PFKFB1: variants seen among roughly 807,000 people sequenced by gnomAD.
PFKFB1 encodes the protein 6-phosphofructo-2-kinase/fructose-2,6-bisphosphatase 1.
A neutral mutation model predicts 46.4 loss-of-function variants in PFKFB1; 34 were observed. The ratio of observed to expected loss-of-function variants is 0.73; its 90% confidence interval spans 0.56 to 0.98. PFKFB1 has a LOEUF of 0.98. Among genes scored for constraint, PFKFB1 ranks in the 50% least tolerant of loss-of-function variants. PFKFB1 has a pLI of 0.00. For synonymous variants in PFKFB1, 119 were observed against 133.8 expected, an observed-to-expected ratio of 0.89 and a Z score of 0.76; for missense variants, 393 against 376.3, an observed-to-expected ratio of 1.04 and a Z score of -0.37.
chrX:54,975,696 T>TA (rs1934822759), intron 1 of PFKFB1, among the ~76,000 whole-genome samples: 1 of 111,498 alleles, frequency 9.0e-6, no homozygotes, highest in African/African-American at 3.3e-5. Context: ...AGACTTATTA[T>TA]AAAGCCACAA....
At chrX:54,960,574 T>G (rs996813517) in intron 3 of PFKFB1, among the ~76,000 whole-genome samples, 6 of 111,651 alleles carry the variant, frequency 5.4e-5, no homozygotes, top group African/African-American at 2.0e-4. Context: ...AGAAACAGGA[T>G]TTGGGCAGGA....
chrX:54,958,266 T>A (rs1766073070), intron 6 of PFKFB1, 40 bp downstream of exon 6: 1 of 950,091 alleles, frequency 1.1e-6, no homozygotes, highest in South Asian at 2.0e-5. Context: ...GATCTAAGCC[T>A]AAGGCAGAGC....
intron 1 of PFKFB1, among the ~76,000 whole-genome samples, chrX:54,970,157 C>G (rs1282231408): frequency 9.0e-6 from 1 of 110,924 alleles, no homozygotes; most frequent in Non-Finnish European, 1.9e-5. Flanking sequence ...GATCTGCCCA[C>G]CTCAGTCTCC....
chrX:54,960,875 T>C lies in PFKFB1; in HGVS notation c.266A>G (p.Lys89Arg). The C allele has an allele frequency of 3.3e-6, 4 of 1,195,140 alleles. No homozygotes were observed. Among genetic ancestry groups the C allele is most frequent in the Non-Finnish European group, 4.5e-6 (4 of 882,835 alleles). ...GQYRREAVSY[K>R]NYEFFLPDNM... The stretch of plus-strand genomic sequence containing the variant: ...GTCTGGAAGAAAGAATTCATAGTTC[T>C]TGTAGCTCACTGCCTCTCGTCGATA... Residue 89 changes from lysine (K) to arginine (R), a missense_variant, in exon 3 of 14, where the codon AAG becomes AGG. Lys to Arg is a conservative substitution (Grantham distance 26). Transcript: ENST00000375006.
At chrX:54,973,094 T>A (rs1454729621) in intron 1 of PFKFB1, among the ~76,000 whole-genome samples, 1 of 111,943 alleles carries the variant, frequency 8.9e-6, no homozygotes, top group East Asian at 2.8e-4. Flanking sequence ...GAGGAATGTA[T>A]CCATTTCTTC....
intron 1 of PFKFB1, among the ~76,000 whole-genome samples, chrX:54,983,537 A>G (rs893250528): frequency 2.7e-5 from 3 of 112,266 alleles, no homozygotes; most frequent in Non-Finnish European, 5.7e-5. Context: ...CACGGCATAC[A>G]CATACTACAT....
In PFKFB1 at chrX:54,959,855, T is replaced by A. The variant is rs1276333617; in HGVS notation, c.356A>T (p.Tyr119Phe). 2.5e-6 allele frequency: 3 copies of A among 1,206,907 alleles called. No individual in the cohort carries two copies. The highest frequency in any genetic ancestry group is 3.4e-6 in the Non-Finnish European group (3 of 892,495). The change falls in exon 4 of 14, where the codon TAT (tyrosine) becomes TTT (phenylalanine). Residue 119 changes from tyrosine to phenylalanine, a missense_variant. Physicochemically the swap from Tyr to Phe is conservative, Grantham distance 22 (BLOSUM62 3). Transcript: ENST00000375006. Reference sequence around the variant, plus strand: ...AACATGACCTTCCTCATGGCTGAGATAGTTGTGAACATCCTTCAGGGCTGC... The same window carrying A: ...AACATGACCTTCCTCATGGCTGAGAAAGTTGTGAACATCCTTCAGGGCTGC... ...ALAALKDVHN[Y>F]LSHEEGHVAV...
chrX:54,938,453 T>C (rs964532629), intron 10 of PFKFB1, among the ~76,000 whole-genome samples: 1 of 111,144 alleles, frequency 9.0e-6, no homozygotes, highest in Admixed American at 9.6e-5. Context: ...GACTGGCAAA[T>C]TGGATAAAGA....
intron 1 of PFKFB1, among the ~76,000 whole-genome samples, chrX:54,975,955 G>A (rs757181516): frequency 8.1e-5 from 9 of 111,326 alleles, no homozygotes; most frequent in Non-Finnish European, 1.7e-4. Flanking sequence ...GTGGATCATA[G>A]GTCTAAATAT....
chrX:54,997,418 A>C (rs1410930715), upstream of PFKFB1, among the ~76,000 whole-genome samples: 1 of 111,848 alleles, frequency 8.9e-6, no homozygotes, highest in African/African-American at 3.2e-5. Context: ...AAATGGGGCT[A>C]TCTCTAGGGA....
At position 54,979,374 on chromosome X, in the gene PFKFB1, T is replaced by C. The variant is rs147354935; in HGVS notation, c.97+14537A>G. 3.5e-3 allele frequency among the ~76,000 whole-genome samples: 391 copies of C among 111,333 alleles called. 1 individual carries two copies. The highest frequency in any genetic ancestry group is 0.012 in the African/African-American group (369 of 30,711). ...TTTCCTCAAGCTCTTCTGTAAACTT[T>C]CAGGTAATTTTAAGTAGTACGGTAT... On this transcript the variant is annotated intron_variant, in intron 1 of 13. Transcript: ENST00000375006.
chrX:54,986,861 A>G (rs2054000498), intron 1 of PFKFB1, among the ~76,000 whole-genome samples: 1 of 111,593 alleles, frequency 9.0e-6, no homozygotes, highest in Non-Finnish European at 1.9e-5. Flanking sequence ...AGTAAAATAA[A>G]AAATTAATAA....
chrX:54,948,271 G>A (rs973287146), intron 9 of PFKFB1, among the ~76,000 whole-genome samples: 2 of 111,305 alleles, frequency 1.8e-5, no homozygotes, highest in African/African-American at 6.5e-5. Context: ...TTCCATCTCC[G>A]ATGCCACTAC....
At chrX:54,972,550 G>C (rs1268194245) in intron 1 of PFKFB1, among the ~76,000 whole-genome samples, 2 of 111,476 alleles carry the variant, frequency 1.8e-5, no homozygotes, top group African/African-American at 6.5e-5. Context: ...AGCATGAAGG[G>C]CTGTTGAATT....
chrX:54,945,721 C>CGT (rs779266579), intron 9 of PFKFB1, among the ~76,000 whole-genome samples, 178 bp from the exon 10 acceptor site: 2,762 of 88,684 alleles, frequency 0.031, 69 homozygotes, highest in African/African-American at 0.087. Context: ...TGTGTGTGTG[C>CGT]GTGTGTGTGT....
chrX:54,971,716 T>C (rs1288298432), intron 1 of PFKFB1, among the ~76,000 whole-genome samples: 1,533 of 112,241 alleles, frequency 0.014, 19 homozygotes, highest in African/African-American at 0.047. Flanking sequence ...TTGGTACCAG[T>C]ACCATGCTGT....
chrX:54,992,463 G>T (rs1001772439), intron 1 of PFKFB1, among the ~76,000 whole-genome samples: 1 of 111,429 alleles, frequency 9.0e-6, no homozygotes, highest in Admixed American at 9.5e-5. Flanking sequence ...ACAGACACAG[G>T]GGGAGATAGA....
At chrX:54,983,637 A>G (rs1417988703) in intron 1 of PFKFB1, among the ~76,000 whole-genome samples, 3 of 112,105 alleles carry the variant, frequency 2.7e-5, no homozygotes, top group African/African-American at 9.7e-5. Flanking sequence ...ATATGTCTGC[A>G]TGTGTCTTTA....
chrX:54,941,763 G>A (rs1273648330), intron 10 of PFKFB1, among the ~76,000 whole-genome samples: 1 of 111,768 alleles, frequency 8.9e-6, no homozygotes, highest in Non-Finnish European at 1.9e-5. Context: ...GAGAGGATCT[G>A]GAGAAATAGG....
Sources: gnomAD v4.1 joint callset for allele counts (sites outside exome capture counted in the v4.1 genomes callset) on GRCh38, gnomAD v4.1.1 for gene constraint, MANE v1.5 for transcripts, NCBI Gene and HGNC (gene_info 2026-07-23, HGNC 2026-07-21) for gene names.